The following PRR14L variants were observed in gnomAD, a reference collection of about 807,000 sequenced individuals.
The protein encoded by PRR14L is proline rich 14 like.
A neutral mutation model predicts 155.0 loss-of-function variants in PRR14L; 80 were observed. The observed-to-expected ratio is 0.52, with a 90% CI of 0.43 to 0.62. The LOEUF is 0.62. PRR14L is among the 20% of genes least tolerant of loss of function. The pLI is 0.00. For synonymous variants in PRR14L, 883 were observed against 916.0 expected, an observed-to-expected ratio of 0.96 and a Z score of 0.65; for missense variants, 2,469 against 2,548.0, an observed-to-expected ratio of 0.97 and a Z score of 0.67.
At chr22:31,705,486 G>A (rs1184464379) in intron 4 of PRR14L, among the ~76,000 whole-genome samples, 4 of 151,866 alleles carry the variant, frequency 2.6e-5, no homozygotes, top group African/African-American at 9.7e-5. Context: ...AGATTCTTCT[G>A]CCTCAGCCTC....
At chr22:31,749,474 C>A (rs1289502785) in intron 1 of PRR14L, among the ~76,000 whole-genome samples, 1 of 152,188 alleles carries the variant, frequency 6.6e-6, no homozygotes, top group Non-Finnish European at 1.5e-5. Flanking sequence ...CTCTTTCTTA[C>A]TGGGAAGAAA....
At chr22:31,726,855 C>T (rs2074719064) in intron 2 of PRR14L, among the ~76,000 whole-genome samples, 1 of 149,632 alleles carries the variant, frequency 6.7e-6, no homozygotes, top group Non-Finnish European at 1.5e-5. Context: ...CAGGGTGCTC[C>T]ATGAGCAGAA....
rs1569498579 is a variant in PRR14L, at chr22:31,712,749, T to C, written c.5090A>G (p.Lys1697Arg). Residue 1697 changes from lysine (K) to arginine (R), a missense_variant, in exon 4 of 9, where the codon AAG (lysine) becomes AGG (arginine). Coordinates refer to ENST00000327423, the MANE Select transcript of PRR14L (RefSeq NM_173566.3). ...GTTGCTCAAATCTATGAAGGTCATC[T>C]TGATGGATTCGAGAGAATAAAGTGC... ...PMALYSLESIKMTFIDLSNKM... is the reference protein window; with the variant it reads ...PMALYSLESIRMTFIDLSNKM... 1 of 1,551,874 alleles carries C rather than the reference T, an allele frequency of 6.4e-7. No homozygotes were observed. Among genetic ancestry groups the C allele is most frequent in the East Asian group, 2.4e-5 (1 of 40,922 alleles).
chr22:31,711,751 T>C (rs1431825158), intron 4 of PRR14L, among the ~76,000 whole-genome samples: 2 of 117,012 alleles, frequency 1.7e-5, no homozygotes, highest in Middle Eastern at 9.4e-3. Context: ...ACCACTGCAC[T>C]CCAGCCTGGG....
In PRR14L at chr22:31,714,753, C is replaced by A. The variant is rs1372558361; in HGVS notation, c.3086G>T (p.Ser1029Ile). 28 of 1,552,374 alleles carry A rather than the reference C, an allele frequency of 1.8e-5. No homozygotes were observed. Among genetic ancestry groups the A allele is most frequent in the Non-Finnish European group, 2.4e-5 (28 of 1,147,142 alleles). The change falls in exon 4 of 9, where the codon AGT (serine) becomes ATT (isoleucine). Residue 1029 changes from serine (S) to isoleucine (I), a missense_variant. Ser to Ile is a moderately radical substitution (Grantham distance 142). Coordinates refer to ENST00000327423, the MANE Select transcript of PRR14L (RefSeq NM_173566.3). The stretch of plus-strand genomic sequence containing the variant: ...TCCTTTCAAATTGCATTTCTTTGGA[C>A]TACCACAAGGTAGTGAGTTATTACT... The part of the protein sequence containing the change: ...SGSNNSLPCG[S>I]PKKCNLKGAF...
intron 7 of PRR14L, among the ~76,000 whole-genome samples, chr22:31,697,985 T>C (rs1168414993): frequency 6.6e-6 from 1 of 152,144 alleles, no homozygotes; most frequent in Non-Finnish European, 1.5e-5. Flanking sequence ...CATGAACTTT[T>C]ATCAATTCAT....
intron 4 of PRR14L, among the ~76,000 whole-genome samples, chr22:31,706,454 T>A (rs1393777851): frequency 6.8e-6 from 1 of 147,116 alleles, no homozygotes; most frequent in Admixed American, 6.7e-5. Flanking sequence ...AGACGGAGTC[T>A]CACTTTGTCA....
intron 3 of PRR14L, among the ~76,000 whole-genome samples, chr22:31,720,321 A>G (rs1016090175): frequency 4.6e-5 from 7 of 152,248 alleles, no homozygotes; most frequent in African/African-American, 1.7e-4. Flanking sequence ...ACAGGTTTTC[A>G]GATACCAATC....
At chr22:31,710,985 C>T (rs1462161065) in intron 4 of PRR14L, among the ~76,000 whole-genome samples, 4 of 152,126 alleles carry the variant, frequency 2.6e-5, no homozygotes, top group Admixed American at 2.0e-4. Context: ...GTTCATAAAC[C>T]ATATCTGGTG....
chr22:31,703,752 A>ACC, intron 5 of PRR14L, 31 bp from the exon 6 acceptor site: 2 of 1,363,538 alleles, frequency 1.5e-6, no homozygotes, highest in Non-Finnish European at 2.0e-6. Flanking sequence ...AAGATATGAG[A>ACC]GGGGTTCCCT....
intron 7 of PRR14L, among the ~76,000 whole-genome samples, chr22:31,697,301 C>CAAAAAAA (rs35748258): frequency 3.4e-5 from 2 of 58,594 alleles, no homozygotes; most frequent in Non-Finnish European, 3.6e-5. Flanking sequence ...TACTCTGTCT[C>CAAAAAAA]AAAAAAAAAA....
At position 31,716,777 on chromosome 22, in the gene PRR14L, G is replaced by A; in HGVS notation, c.1062C>T (p.Ser354=). The A allele has an allele frequency of 6.4e-7, 1 of 1,551,796 alleles. No homozygotes were observed. Among genetic ancestry groups the A allele is most frequent in the Non-Finnish European group, 8.7e-7 (1 of 1,147,032 alleles). Reference sequence around the variant, plus strand: ...CACAGTTTTCTAAGGATATTGTTCTGGATTCTGGACCAGACAAGTCTGATG... The same window carrying A: ...CACAGTTTTCTAAGGATATTGTTCTAGATTCTGGACCAGACAAGTCTGATG... ...CFTSDLSGPE[S]RTISLENCGF... Residue 354 remains serine, a synonymous_variant, in exon 4 of 9, where the codon TCC becomes TCT. Transcript: ENST00000327423.
intron 7 of PRR14L, among the ~76,000 whole-genome samples, chr22:31,698,433 G>T (rs1407591406): frequency 6.6e-6 from 1 of 151,608 alleles, no homozygotes; most frequent in Non-Finnish European, 1.5e-5. Flanking sequence ...TATGAAAGCA[G>T]GCTGGGCTTG....
At chr22:31,695,139 A>T (rs2074529622) in intron 7 of PRR14L, among the ~76,000 whole-genome samples, 1 of 152,182 alleles carries the variant, frequency 6.6e-6, no homozygotes, top group African/African-American at 2.4e-5. Context: ...TATACCCCCA[A>T]AAAAAGAACA....
intron 1 of PRR14L, among the ~76,000 whole-genome samples, chr22:31,748,240 G>C (rs947373734): frequency 4.6e-5 from 7 of 152,142 alleles, no homozygotes; most frequent in Non-Finnish European, 8.8e-5. Context: ...TTGGAGAATG[G>C]GCCTCTTCTT....
chr22:31,700,490 A>C (rs1346875315), intron 7 of PRR14L, among the ~76,000 whole-genome samples: 1 of 152,244 alleles, frequency 6.6e-6, no homozygotes, highest in Non-Finnish European at 1.5e-5. Context: ...ACAAATGATT[A>C]TTTTATTCGT....
chr22:31,746,007 T>C (rs1052211624), intron 1 of PRR14L, among the ~76,000 whole-genome samples: 4 of 151,872 alleles, frequency 2.6e-5, no homozygotes, highest in Admixed American at 2.0e-4. Context: ...CACAGCTCTC[T>C]ATAACTTCAA....
intron 4 of PRR14L, among the ~76,000 whole-genome samples, chr22:31,709,591 A>AGT (rs1168521884): frequency 8.4e-6 from 1 of 119,048 alleles, no homozygotes; most frequent in Non-Finnish European, 1.6e-5. Flanking sequence ...GACAGGCTGG[A>AGT]GTGCAGTGGC....
chr22:31,725,521 T>G lies in PRR14L; in HGVS notation c.547+17A>C, dbSNP rs764808525. On this transcript the variant is annotated intron_variant, in intron 3 of 8. Transcript: ENST00000327423. ...GCAGTAAGTGGATAAAGGAAGAGAT[T>G]TGAGAGAAATAAATACCTTTGCTCC... 1 of 1,509,236 alleles carries G rather than the reference T, an allele frequency of 6.6e-7. No individual in the cohort carries two copies. The highest frequency in any genetic ancestry group is 1.4e-5 in the African/African-American group (1 of 72,126). The allele number at this position is 1,509,236 out of a possible 1,614,324, so 93.5% of individuals were successfully genotyped here. A position where few individuals can be genotyped will look rare whatever the true frequency, so the allele number is the denominator to read the frequency against.
Sources: gnomAD v4.1 joint callset for allele counts (sites outside exome capture counted in the v4.1 genomes callset) on GRCh38, gnomAD v4.1.1 for gene constraint, MANE v1.5 for transcripts, NCBI Gene and HGNC (gene_info 2026-07-23, HGNC 2026-07-21) for gene names.